MRPL1: variants seen among roughly 807,000 people sequenced by gnomAD.
The protein encoded by MRPL1 is large ribosomal subunit protein uL1m.
A neutral mutation model predicts 38.0 loss-of-function variants in MRPL1; 28 were observed. That is an observed-to-expected ratio of 0.74 (90% confidence interval 0.55 to 1.01). MRPL1 has a LOEUF of 1.01. MRPL1 is among the 50% of genes least tolerant of loss of function. MRPL1 has a pLI of 0.00. For missense variants in MRPL1, 358 were observed against 389.8 expected, an observed-to-expected ratio of 0.92 and a Z score of 0.69; for synonymous variants, 123 against 126.7, an observed-to-expected ratio of 0.97 and a Z score of 0.20.
At position 77,877,542 on chromosome 4, in the gene MRPL1, C is replaced by G. The variant is rs578261815; in HGVS notation, c.143+5687C>G. Among the ~76,000 whole-genome samples, 36 of 150,644 alleles carry G rather than the reference C, an allele frequency of 2.4e-4. 1 individual carries two copies. The highest frequency in any genetic ancestry group is 8.3e-4 in the African/African-American group (34 of 40,976). Reference sequence around the variant, plus strand: ...GTGGGGTGGGTCACTCTTTTGCACCCTTCCCTAGCAGTAGACTTCTATTCC... The same window carrying G: ...GTGGGGTGGGTCACTCTTTTGCACCGTTCCCTAGCAGTAGACTTCTATTCC... On this transcript the variant is annotated intron_variant, in intron 2 of 8. Transcript: ENST00000315567.
chr4:77,937,376 A>T (rs138153102), intron 7 of MRPL1, among the ~76,000 whole-genome samples: 2 of 152,290 alleles, frequency 1.3e-5, no homozygotes, highest in Non-Finnish European at 2.9e-5. Context: ...TTGCGATTTC[A>T]GCCTCCCAGG....
At chr4:77,863,073 C>T (rs917246747) in intron 1 of MRPL1, 194 bp downstream of exon 1, 7 of 647,772 alleles carry the variant, frequency 1.1e-5, no homozygotes, top group Non-Finnish European at 1.6e-5. Context: ...CTGGAGACGT[C>T]CACCCTGAGG....
At chr4:77,904,552 T>A (rs1232696471) in intron 6 of MRPL1, among the ~76,000 whole-genome samples, 1 of 151,510 alleles carries the variant, frequency 6.6e-6, no homozygotes, top group African/African-American at 2.4e-5. Flanking sequence ...AGACTGTGTC[T>A]CAAAAAAAAG....
intron 1 of MRPL1, among the ~76,000 whole-genome samples, chr4:77,868,416 T>C (rs1333194136): frequency 2.6e-5 from 4 of 152,116 alleles, no homozygotes; most frequent in Non-Finnish European, 5.9e-5. Context: ...ATTTTTTTTG[T>C]ATTTTTAGTA....
At chr4:77,942,742 C>G (rs547003999) in intron 7 of MRPL1, among the ~76,000 whole-genome samples, 1 of 152,258 alleles carries the variant, frequency 6.6e-6, no homozygotes, top group East Asian at 1.9e-4. Context: ...TTTCCCACCT[C>G]TTTACCTTAA....
intron 6 of MRPL1, chr4:77,906,996 T>C: frequency 1.0e-6 from 1 of 985,392 alleles, no homozygotes; most frequent in Non-Finnish European, 1.2e-6. Flanking sequence ...GTAGTGCTCC[T>C]GAGCCAACTG....
intron 7 of MRPL1, among the ~76,000 whole-genome samples, chr4:77,912,338 C>G (rs1258911005): frequency 6.6e-6 from 1 of 152,034 alleles, no homozygotes; most frequent in Non-Finnish European, 1.5e-5. Context: ...GTTCTAGCTA[C>G]TAGAACAACG....
intron 6 of MRPL1, among the ~76,000 whole-genome samples, chr4:77,903,272 A>C (rs1736075445): frequency 6.6e-6 from 1 of 151,950 alleles, no homozygotes; most frequent in African/African-American, 2.4e-5. Flanking sequence ...ATATCATCTC[A>C]GATGCAGAGA....
intron 1 of MRPL1, among the ~76,000 whole-genome samples, chr4:77,863,535 C>T (rs1735055021): frequency 7.0e-6 from 1 of 142,932 alleles, no homozygotes; most frequent in African/African-American, 2.7e-5. Flanking sequence ...GGTGCGATCT[C>T]AGCTCACTGC....
In MRPL1 at chr4:77,880,829, TC is replaced by T. The variant is rs1198950735; in HGVS notation, c.144-2412del. On this transcript the variant is annotated intron_variant, in intron 2 of 8. Transcript: ENST00000315567. ...ACAATTATTTATCATTGCCCACATA[TC>T]TATGGGTCAGCTGACATAGGCTGGG... 2.6e-5 allele frequency among the ~76,000 whole-genome samples: 4 copies of T among 152,274 alleles called. No homozygotes were observed. The East Asian group carries it at 7.7e-4, about 29-fold the overall frequency.
intron 2 of MRPL1, among the ~76,000 whole-genome samples, chr4:77,876,973 T>A (rs564425773): frequency 6.6e-6 from 1 of 152,344 alleles, no homozygotes; most frequent in South Asian, 2.1e-4. Flanking sequence ...TGATCTTGGC[T>A]TACTGCAACT....
rs139994961 is a variant in MRPL1, at chr4:77,903,724, A to C, written c.671-5542A>C. On this transcript the variant is annotated intron_variant, in intron 6 of 8. Coordinates refer to ENST00000315567, the MANE Select transcript of MRPL1 (RefSeq NM_020236.4). ...ATAAAAATATTTAAGAGGAAATTTA[A>C]CGGAAGCTGTGCAAGACCTTTTCAT... 3.7e-3 allele frequency among the ~76,000 whole-genome samples: 559 copies of C among 152,342 alleles called. 1 individual carries two copies. Among genetic ancestry groups the C allele is most frequent in the African/African-American group, 0.013 (526 of 41,582 alleles).
At chr4:77,872,237 C>T (rs557199126) in intron 2 of MRPL1, among the ~76,000 whole-genome samples, 23 of 152,188 alleles carry the variant, frequency 1.5e-4, no homozygotes, top group African/African-American at 3.9e-4. Flanking sequence ...AGTATGCTTT[C>T]GCTGCCTTTT....
In MRPL1 at chr4:77,885,326, CT is replaced by C. The variant is rs1268824037; in HGVS notation, c.474del (p.Val159TyrfsTer11). Reference sequence around the variant, plus strand: ...TTTGCTTCCGAAATCAATAAAGTTGCTGTATTTACAGAGGTGAGTAACTTCC... The same window carrying C: ...TTTGCTTCCGAAATCAATAAAGTTGCGTATTTACAGAGGTGAGTAACTTCC... Reference protein sequence around the residue: ...YPFASEINKVAVFTENASEVK... With the variant: ...YPFASEINKVXVFTENASEVK... On this transcript the variant is annotated frameshift_variant, in exon 4 of 9. Transcript: ENST00000315567. LOFTEE classifies it high-confidence loss of function. 1 of 1,612,734 alleles carries C rather than the reference CT, an allele frequency of 6.2e-7. No homozygotes were observed. Among genetic ancestry groups the C allele is most frequent in the Admixed American group, 1.7e-5 (1 of 60,010 alleles).
At chr4:77,945,675 G>T (rs1011874426) in intron 7 of MRPL1, among the ~76,000 whole-genome samples, 3 of 152,048 alleles carry the variant, frequency 2.0e-5, no homozygotes, top group African/African-American at 7.2e-5. Context: ...TTTTACAGCT[G>T]GGTCTCTGGG....
intron 6 of MRPL1, among the ~76,000 whole-genome samples, chr4:77,897,070 A>T (rs940791683): frequency 1.3e-5 from 2 of 150,018 alleles, no homozygotes; most frequent in Non-Finnish European, 2.9e-5. Flanking sequence ...CGTGAAATAT[A>T]TCTTTTTTTT....
intron 5 of MRPL1, among the ~76,000 whole-genome samples, chr4:77,889,890 T>C (rs1411163739): frequency 6.6e-6 from 1 of 152,064 alleles, no homozygotes; most frequent in Admixed American, 6.5e-5. Flanking sequence ...AAGAAATGGA[T>C]AAATTCCTGG....
intron 1 of MRPL1, among the ~76,000 whole-genome samples, chr4:77,870,261 G>T (rs953001940): frequency 2.0e-5 from 3 of 152,150 alleles, no homozygotes; most frequent in Non-Finnish European, 2.9e-5. Flanking sequence ...TTCCCCAAGA[G>T]AATTATTATT....
At chr4:77,914,096 A>G (rs183000701) in intron 7 of MRPL1, among the ~76,000 whole-genome samples, 101 of 152,318 alleles carry the variant, frequency 6.6e-4, no homozygotes, top group Non-Finnish European at 6.3e-4. Flanking sequence ...GTAGGCATTA[A>G]GAATGTGGAG....
Sources: allele counts gnomAD v4.1 joint callset (sites outside exome capture counted in the v4.1 genomes callset), GRCh38; gene constraint gnomAD v4.1.1; transcripts MANE v1.5; gene names NCBI Gene and HGNC (gene_info 2026-07-23, HGNC 2026-07-21).